KLF12: variants seen among roughly 807,000 people sequenced by gnomAD.
KLF12 encodes Krueppel-like factor 12.
Under a neutral mutation model 37.8 loss-of-function variants are expected in KLF12, and 9 were observed. That is an observed-to-expected ratio of 0.24 (90% CI 0.14 to 0.42). KLF12 has a LOEUF of 0.42. KLF12 is among the 10% of genes least tolerant of loss of function. KLF12 has a pLI of 1.00. For synonymous variants in KLF12, 208 were observed against 202.1 expected (o/e 1.03, Z -0.25); for missense variants, 411 against 516.0 (o/e 0.80, Z 1.97).
At chr13:73,924,105 C>T (rs1192360981) in intron 3 of KLF12, among the ~76,000 whole-genome samples, 2 of 152,214 alleles carry the variant, frequency 1.3e-5, no homozygotes, top group Non-Finnish European at 2.9e-5. Flanking sequence ...GCATGCAAAG[C>T]ATATACACAG....
the KLF12 span, among the ~76,000 whole-genome samples, chr13:74,260,841 G>A: frequency 6.6e-6 from 1 of 151,872 alleles, no homozygotes; most frequent in Admixed American, 6.6e-5. Context: ...AAACAAATTG[G>A]GTTAAAGAAT....
chr13:73,709,815 T>C (rs1056724733), intron 7 of KLF12, among the ~76,000 whole-genome samples: 3 of 152,168 alleles, frequency 2.0e-5, no homozygotes, highest in Non-Finnish European at 4.4e-5. Flanking sequence ...TTCTGGCTAC[T>C]GTTTAAAGAA....
chr13:73,760,269 T>C (rs1156498934), intron 6 of KLF12, among the ~76,000 whole-genome samples: 1 of 152,184 alleles, frequency 6.6e-6, no homozygotes. Context: ...AGTGGCAGCA[T>C]CCAATTGGTT....
intron 1 of KLF12, among the ~76,000 whole-genome samples, chr13:74,132,692 A>G (rs1337012644): frequency 1.3e-5 from 2 of 152,234 alleles, no homozygotes; most frequent in Admixed American, 1.3e-4. Context: ...AAAGTATGCA[A>G]AACTCGAAGC....
chr13:74,163,063 G>T, the KLF12 span, among the ~76,000 whole-genome samples: 1 of 152,000 alleles, frequency 6.6e-6, no homozygotes, highest in Non-Finnish European at 1.5e-5. Context: ...GAAAAGGGAA[G>T]GTAGAGGCTA....
intron 1 of KLF12, among the ~76,000 whole-genome samples, chr13:74,125,725 T>C (rs1877903698): frequency 6.6e-6 from 1 of 152,242 alleles, no homozygotes; most frequent in Admixed American, 6.5e-5. Flanking sequence ...AACAATTGAC[T>C]TCTTTATTGA....
chr13:74,100,417 A>G lies in KLF12; in HGVS notation c.-32+33322T>C, dbSNP rs144841295. Among the ~76,000 whole-genome samples the G allele has an allele frequency of 2.0e-3, 299 of 152,298 alleles. 1 individual carries two copies. Among genetic ancestry groups the G allele is most frequent in the African/African-American group, 6.7e-3 (278 of 41,558 alleles). ...TGGATCACTTGAGGTCAAGCATTCAAGGCAAGCCTGGCCAACATGGCAAAA... is the reference window on the plus strand; with the variant it reads ...TGGATCACTTGAGGTCAAGCATTCAGGGCAAGCCTGGCCAACATGGCAAAA... On this transcript the variant is annotated intron_variant, in intron 1 of 7. Coordinates refer to ENST00000377669, the MANE Select transcript of KLF12 (RefSeq NM_007249.5).
Position 74,092,805 on chromosome 13 carries a change from G to C in KLF12, c.-32+40934C>G, listed in dbSNP as rs1281068323. ...AAATAACTTAGACATTTTTCCTAAGGAGACATGCAAATAGCCAACAAGGAC... is the reference window on the plus strand; with the variant it reads ...AAATAACTTAGACATTTTTCCTAAGCAGACATGCAAATAGCCAACAAGGAC... On this transcript the variant is annotated intron_variant, in intron 1 of 7. Coordinates refer to ENST00000377669, the MANE Select transcript of KLF12 (RefSeq NM_007249.5). Among the ~76,000 whole-genome samples the C allele has an allele frequency of 2.6e-5, 4 of 152,086 alleles. No homozygotes were observed. The East Asian group carries it at 7.7e-4, about 29-fold the overall frequency.
intron 4 of KLF12, among the ~76,000 whole-genome samples, chr13:73,842,857 G>A (rs1180640817): frequency 1.6e-4 from 11 of 70,766 alleles, no homozygotes; most frequent in Non-Finnish European, 5.1e-4. Context: ...ACAAAGAACT[G>A]AGGAATTACT....
At chr13:74,298,625 AG>A in the KLF12 span, among the ~76,000 whole-genome samples, 1 of 152,214 alleles carries the variant, frequency 6.6e-6, no homozygotes, top group South Asian at 2.1e-4. Context: ...TTTATCAGCA[AG>A]TGGTAGATTT....
intron 1 of KLF12, among the ~76,000 whole-genome samples, chr13:74,005,709 T>C (rs1892393877): frequency 6.6e-6 from 1 of 152,214 alleles, no homozygotes; most frequent in South Asian, 2.1e-4. Flanking sequence ...TCTAAATGAA[T>C]ACAAGAGCCA....
the KLF12 span, among the ~76,000 whole-genome samples, chr13:74,141,704 A>T: frequency 6.6e-6 from 1 of 152,164 alleles, no homozygotes; most frequent in Admixed American, 6.5e-5. Context: ...TAAGAGCAAA[A>T]CCAAGTCTGT....
chr13:73,963,315 ACACACG>A (rs1238248821), intron 2 of KLF12, among the ~76,000 whole-genome samples: 5 of 145,692 alleles, frequency 3.4e-5, no homozygotes, highest in African/African-American at 1.3e-4. Context: ...ACACACACAC[ACACACG>A]TATATATGCT....
chr13:73,777,839 A>G (rs1880712878), intron 5 of KLF12, among the ~76,000 whole-genome samples: 1 of 152,028 alleles, frequency 6.6e-6, no homozygotes, highest in Admixed American at 6.5e-5. Flanking sequence ...TTTTTTTTAA[A>G]GAAAACAGAA....
chr13:74,154,094 G>A, the KLF12 span, among the ~76,000 whole-genome samples: 1 of 151,728 alleles, frequency 6.6e-6, no homozygotes, highest in South Asian at 2.1e-4. Context: ...AATTAGCTGG[G>A]CATGGTGGCA....
chr13:73,747,467 T>G (rs1594042214), intron 6 of KLF12, among the ~76,000 whole-genome samples: 1 of 152,330 alleles, frequency 6.6e-6, no homozygotes, highest in Non-Finnish European at 1.5e-5. Context: ...TTATATCATA[T>G]TGGGGAATTG....
chr13:73,900,075 G>A (rs548559489), intron 3 of KLF12, among the ~76,000 whole-genome samples: 24 of 152,284 alleles, frequency 1.6e-4, no homozygotes, highest in African/African-American at 5.5e-4. Flanking sequence ...TACTTGAGAT[G>A]TCAATAAAGA....
At chr13:74,247,658 G>T in the KLF12 span, among the ~76,000 whole-genome samples, 1 of 151,830 alleles carries the variant, frequency 6.6e-6, no homozygotes, top group Non-Finnish European at 1.5e-5. Context: ...TTTTGTAGAG[G>T]CTGGGGTCTC....
intron 1 of KLF12, among the ~76,000 whole-genome samples, chr13:74,044,991 T>C (rs1281482514): frequency 6.6e-6 from 1 of 152,004 alleles, no homozygotes; most frequent in Admixed American, 6.6e-5. Context: ...AATGATGTGA[T>C]AGGTAGGTAG....
Sources: allele counts gnomAD v4.1 joint callset (sites outside exome capture counted in the v4.1 genomes callset), GRCh38; gene constraint gnomAD v4.1.1; transcripts MANE v1.5; gene names NCBI Gene and HGNC (gene_info 2026-07-23, HGNC 2026-07-21).